The following STEAP2 variants were observed in gnomAD, a reference collection of about 807,000 sequenced individuals.
The protein encoded by STEAP2 is STEAP2 metalloreductase.
In STEAP2, 30 loss-of-function variants were observed where a neutral mutation model predicts 46.4. That is an observed-to-expected ratio of 0.65 (90% CI 0.48 to 0.88). The LOEUF (loss-of-function observed/expected upper bound fraction) is 0.88, where lower values mean the gene tolerates loss of function less well. Among genes scored for constraint, STEAP2 ranks in the 40% least tolerant of loss-of-function variants. STEAP2 has a pLI of 0.00. For synonymous variants in STEAP2, 180 were observed against 200.5 expected, an observed-to-expected ratio of 0.90 and a Z score of 0.86; for missense variants, 513 against 579.3, an observed-to-expected ratio of 0.89 and a Z score of 1.18.
chr7:90,222,591 A>G (rs1795296398), intron 2 of STEAP2, among the ~76,000 whole-genome samples: 1 of 152,188 alleles, frequency 6.6e-6, no homozygotes, highest in Non-Finnish European at 1.5e-5. Flanking sequence ...CCTCATCTAC[A>G]AAGTGGGTAT....
Position 90,227,455 on chromosome 7 carries a change from G to A in STEAP2, c.977G>A (p.Arg326Lys). 2 of 1,599,296 alleles carry A rather than the reference G, an allele frequency of 1.3e-6. No individual in the cohort carries two copies. The highest frequency in any genetic ancestry group is 1.7e-6 in the Non-Finnish European group (2 of 1,168,298). The change falls in exon 4 of 6, where the codon AGA (arginine) becomes AAA (lysine). Residue 326 changes from arginine (R) to lysine (K), a missense_variant. Coordinates refer to ENST00000394621, the MANE Select transcript of STEAP2 (RefSeq NM_001244944.2). Reference protein sequence around the residue: ...HVAYSLCLPMRRSERYLFLNM... With the variant: ...HVAYSLCLPMKRSERYLFLNM... ...GCCTACAGCCTCTGCTTACCGATGA[G>A]AAGGTCAGAGAGATATTTGTTTCTC... is the stretch of plus-strand genomic sequence containing the variant.
chr7:90,232,400 C>A lies in STEAP2; in HGVS notation c.1249C>A (p.Arg417=). The A allele has an allele frequency of 6.2e-7, 1 of 1,613,252 alleles. No individual in the cohort carries two copies. Among genetic ancestry groups the A allele is most frequent in the Non-Finnish European group, 8.5e-7 (1 of 1,179,484 alleles). Residue 417 remains arginine, a synonymous_variant, in exon 6 of 6, where the codon CGA becomes AGA. Coordinates refer to ENST00000394621, the MANE Select transcript of STEAP2 (RefSeq NM_001244944.2). ...TFHVLIYGWK[R]AFEEEYYRFY... ...CCATGTTTTAATTTATGGATGGAAA[C>A]GAGCTTTTGAGGAAGAGTACTACAG...
chr7:90,229,082 G>A (rs1795628078), intron 4 of STEAP2, among the ~76,000 whole-genome samples: 1 of 152,150 alleles, frequency 6.6e-6, no homozygotes, highest in Non-Finnish European at 1.5e-5. Context: ...TTCAGCTGAA[G>A]GAGTCCAATA....
At chr7:90,239,521 T>C (rs781505858), downstream of STEAP2, among the ~76,000 whole-genome samples, 1 of 152,230 alleles carries the variant, frequency 6.6e-6, no homozygotes, top group African/African-American at 2.4e-5. Flanking sequence ...CAAACCTGTC[T>C]GATTAATCTT....
chr7:90,243,059 T>G (rs1237604402), downstream of STEAP2, among the ~76,000 whole-genome samples: 2 of 152,270 alleles, frequency 1.3e-5, no homozygotes, highest in East Asian at 3.9e-4. Flanking sequence ...TGACTAGAAG[T>G]GTGGAAACAG....
chr7:90,239,116 T>C (rs140632970), downstream of STEAP2, among the ~76,000 whole-genome samples: 4 of 152,326 alleles, frequency 2.6e-5, no homozygotes, highest in East Asian at 1.9e-4. Context: ...AATTGATACA[T>C]TGAAATCCTA....
intron 4 of STEAP2, among the ~76,000 whole-genome samples, chr7:90,228,427 G>C (rs747422978): frequency 6.6e-6 from 1 of 151,404 alleles, no homozygotes; most frequent in Non-Finnish European, 1.5e-5. Flanking sequence ...CTCTTAATGG[G>C]ATACTAAGGC....
intron 2 of STEAP2, among the ~76,000 whole-genome samples, chr7:90,222,528 T>G (rs1361374681): frequency 6.6e-6 from 1 of 152,136 alleles, no homozygotes; most frequent in Non-Finnish European, 1.5e-5. Context: ...GCTTCCCTAT[T>G]TTCTGTCTTT....
At chr7:90,212,812 C>G (rs1794871449) in intron 1 of STEAP2, among the ~76,000 whole-genome samples, 1 of 151,276 alleles carries the variant, frequency 6.6e-6, no homozygotes, top group South Asian at 2.1e-4. Flanking sequence ...AGAATTCAGA[C>G]TCCTGCCCCA....
In STEAP2 at chr7:90,227,295, G is replaced by A. The variant is rs61731257; in HGVS notation, c.817G>A (p.Ala273Thr). Residue 273 changes from alanine to threonine, a missense_variant, in exon 4 of 6, where the codon GCA becomes ACA. Coordinates refer to ENST00000394621, the MANE Select transcript of STEAP2 (RefSeq NM_001244944.2). ...TACTTTGCTCTCCCTAGTATACCTC[G>A]CAGGTCTTCTGGCAGCTGCTTATCA... ...AITLLSLVYL[A>T]GLLAAAYQLY... The A allele has an allele frequency of 2.3e-5, 37 of 1,613,720 alleles. No homozygotes were observed. The African/African-American group carries it at 3.9e-4, about 17-fold the overall frequency.
chr7:90,217,075 A>G (rs1396794351), intron 2 of STEAP2, among the ~76,000 whole-genome samples: 1 of 152,196 alleles, frequency 6.6e-6, no homozygotes, highest in Non-Finnish European at 1.5e-5. Context: ...TTTTCAGAAC[A>G]TTGAGGGAAG....
chr7:90,238,692 G>A (rs1200380597), downstream of STEAP2, among the ~76,000 whole-genome samples: 1 of 152,158 alleles, frequency 6.6e-6, no homozygotes, highest in Non-Finnish European at 1.5e-5. Flanking sequence ...TCCCCATAGA[G>A]TGGCAGCAGG....
At position 90,224,356 on chromosome 7, in the gene STEAP2, A is replaced by C. The variant is rs151205304; in HGVS notation, c.-33-694A>C. Among the ~76,000 whole-genome samples, 843 of 152,194 alleles carry C rather than the reference A, an allele frequency of 5.5e-3. 7 individuals are homozygous for C. The highest frequency in any genetic ancestry group is 9.7e-3 in the Non-Finnish European group (659 of 67,988). ...GCAACAGCCCAACAACCCAGAAATT[A>C]CCACCCTCATCCTAGAAATTTCTGC... On this transcript the variant is annotated intron_variant, in intron 2 of 5. Transcript: ENST00000394621.
chr7:90,218,775 T>A (rs1795133441), intron 2 of STEAP2, among the ~76,000 whole-genome samples: 1 of 152,176 alleles, frequency 6.6e-6, no homozygotes, highest in African/African-American at 2.4e-5. Flanking sequence ...TGGTTCTATA[T>A]GAATTTTAGG....
Position 90,230,020 on chromosome 7 carries a change from A to G in STEAP2, c.1169A>G (p.Glu390Gly), listed in dbSNP as rs544787538. ...PSVSNALNWREFSFIQSTLGY... is the reference protein window; with the variant it reads ...PSVSNALNWRGFSFIQSTLGY... The stretch of plus-strand genomic sequence containing the variant: ...GTGAGCAATGCTTTAAACTGGAGAG[A>G]ATTCAGTTTTATTCAGGTATGTGGG... Residue 390 changes from glutamate to glycine, a missense_variant, in exon 5 of 6, where the codon GAA becomes GGA. Glu to Gly is a moderately conservative substitution (Grantham distance 98). Transcript: ENST00000394621. 9.3e-6 allele frequency: 15 copies of G among 1,612,822 alleles called. No individual in the cohort carries two copies. The Admixed American group carries it at 1.5e-4, about 16-fold the overall frequency.
In STEAP2 at chr7:90,232,138, C is replaced by T. The variant is rs573549515; in HGVS notation, c.1186-199C>T. Among the ~76,000 whole-genome samples, 20 of 151,640 alleles carry T rather than the reference C, an allele frequency of 1.3e-4. 1 individual carries two copies. In the South Asian group the frequency reaches 4.2e-3, roughly 32 times the overall value. The stretch of plus-strand genomic sequence containing the variant: ...CCTTATTTGTGTAACATAAGGTGTG[C>T]ATATAAATAATACATATATATGCAT... On this transcript the variant is annotated intron_variant, in intron 5 of 5. Coordinates refer to ENST00000394621, the MANE Select transcript of STEAP2 (RefSeq NM_001244944.2).
chr7:90,228,420 T>A (rs1795591933), intron 4 of STEAP2, among the ~76,000 whole-genome samples: 1 of 147,872 alleles, frequency 6.8e-6, no homozygotes, highest in Non-Finnish European at 1.5e-5. Context: ...AAAACTTCTC[T>A]TAATGGGATA....
At chr7:90,220,936 A>T (rs1337119605) in intron 2 of STEAP2, among the ~76,000 whole-genome samples, 1 of 152,118 alleles carries the variant, frequency 6.6e-6, no homozygotes, top group Non-Finnish European at 1.5e-5. Flanking sequence ...CAGTTTCAAA[A>T]GTTCCTCATG....
Position 90,233,109 on chromosome 7 carries a change from T to C in STEAP2, c.*485T>C. The C allele has an allele frequency of 2.9e-5, 29 of 985,312 alleles. No individual in the cohort carries two copies. Among genetic ancestry groups the C allele is most frequent in the Non-Finnish European group, 3.5e-5 (29 of 829,816 alleles). 61.0% of individuals were successfully genotyped at this position (985,312 alleles called of 1,614,324 possible). A position where few individuals can be genotyped will look rare whatever the true frequency, so the allele number is the denominator to read the frequency against. On this transcript the variant is annotated 3_prime_UTR_variant, in exon 6 of 6. Coordinates refer to ENST00000394621, the MANE Select transcript of STEAP2 (RefSeq NM_001244944.2). ...CGTTATGTTAGCATCTAGGTAAGGCTGCATGATAGCATTCCTATATTTCTC... is the reference window on the plus strand; with the variant it reads ...CGTTATGTTAGCATCTAGGTAAGGCCGCATGATAGCATTCCTATATTTCTC...
Sources: gnomAD v4.1 joint callset for allele counts (sites outside exome capture counted in the v4.1 genomes callset) on GRCh38, gnomAD v4.1.1 for gene constraint, MANE v1.5 for transcripts, NCBI Gene and HGNC (gene_info 2026-07-23, HGNC 2026-07-21) for gene names.